The following STPG2 variants were observed in gnomAD, a reference collection of about 807,000 sequenced individuals.
STPG2 encodes sperm-tail PG-rich repeat-containing protein 2.
A neutral mutation model predicts 54.2 loss-of-function variants in STPG2; 56 were observed. The observed-to-expected ratio is 1.03, with a 90% CI of 0.83 to 1.29. The LOEUF (loss-of-function observed/expected upper bound fraction) is 1.29. Ranked by LOEUF, STPG2 falls within the 50% of genes most tolerant of loss-of-function variation. The pLI is 0.00. For missense variants in STPG2, 596 were observed against 544.9 expected (o/e 1.09, Z -0.93); for synonymous variants, 200 against 181.8 (o/e 1.10, Z -0.81).
intron 10 of STPG2, among the ~76,000 whole-genome samples, chr4:97,631,845 G>A (rs945289324): frequency 1.3e-5 from 2 of 152,024 alleles, no homozygotes; most frequent in Non-Finnish European, 2.9e-5. Flanking sequence ...GGTATGTGCT[G>A]TGCAAAAAGT....
chr4:97,887,648 T>G (rs1730628129), intron 8 of STPG2, among the ~76,000 whole-genome samples: 1 of 152,222 alleles, frequency 6.6e-6, no homozygotes, highest in Non-Finnish European at 1.5e-5. Context: ...TTAGAAAAAT[T>G]TGTAGCCTGC....
intron 9 of STPG2, among the ~76,000 whole-genome samples, chr4:97,799,962 A>G (rs939669535): frequency 5.9e-5 from 9 of 152,034 alleles, no homozygotes; most frequent in Non-Finnish European, 1.2e-4. Flanking sequence ...CCTTCCTTCC[A>G]ATTGATCAAA....
intron 9 of STPG2, among the ~76,000 whole-genome samples, chr4:97,768,687 A>G (rs1726130994): frequency 6.6e-6 from 1 of 151,910 alleles, no homozygotes; most frequent in African/African-American, 2.4e-5. Context: ...GAACCACTCC[A>G]TAGTTTGGTG....
At chr4:97,642,151 TAG>T (rs780395387) in intron 10 of STPG2, among the ~76,000 whole-genome samples, 4 of 151,442 alleles carry the variant, frequency 2.6e-5, no homozygotes, top group Non-Finnish European at 5.9e-5. Flanking sequence ...GACCTATTTG[TAG>T]AGTGTTTTAT....
intron 9 of STPG2, among the ~76,000 whole-genome samples, chr4:97,753,045 A>G (rs530664790): frequency 1.3e-5 from 2 of 152,010 alleles, no homozygotes; most frequent in South Asian, 4.1e-4. Context: ...AAAACCTCAG[A>G]TGGGTTCTTA....
intron 10 of STPG2, among the ~76,000 whole-genome samples, chr4:97,582,308 G>A (rs941370973): frequency 1.3e-5 from 2 of 151,882 alleles, no homozygotes; most frequent in Non-Finnish European, 2.9e-5. Context: ...TAGTGGATTA[G>A]AAAATCAATT....
intron 8 of STPG2, among the ~76,000 whole-genome samples, chr4:97,867,757 G>T (rs1312201017): frequency 6.6e-6 from 1 of 151,990 alleles, no homozygotes; most frequent in Non-Finnish European, 1.5e-5. Flanking sequence ...ACCTTAACAT[G>T]TGGTTGATTC....
intron 10 of STPG2, among the ~76,000 whole-genome samples, chr4:97,623,400 A>G (rs1734061703): frequency 6.6e-6 from 1 of 152,112 alleles, no homozygotes; most frequent in African/African-American, 2.4e-5. Flanking sequence ...CTCTATAAGA[A>G]CCATAAATTT....
intron 10 of STPG2, among the ~76,000 whole-genome samples, chr4:97,623,320 A>T (rs1299441962): frequency 3.3e-5 from 5 of 152,122 alleles, no homozygotes; most frequent in African/African-American, 1.2e-4. Flanking sequence ...GGACAACATG[A>T]AAAAAACAAC....
At chr4:97,907,342 A>C (rs1731473066) in intron 8 of STPG2, among the ~76,000 whole-genome samples, 1 of 152,180 alleles carries the variant, frequency 6.6e-6, no homozygotes, top group Admixed American at 6.5e-5. Flanking sequence ...GGAGAACTAC[A>C]AACCACTGCT....
chr4:97,847,314 A>G (rs1305535951), intron 8 of STPG2, among the ~76,000 whole-genome samples: 1 of 152,160 alleles, frequency 6.6e-6, no homozygotes, highest in Non-Finnish European at 1.5e-5. Context: ...AATATTCATC[A>G]TTGTAAACAT....
At chr4:97,469,017 T>G (rs1209738934) in intron 4 of STPG2, among the ~76,000 whole-genome samples, 2 of 152,088 alleles carry the variant, frequency 1.3e-5, no homozygotes, top group African/African-American at 4.8e-5. Flanking sequence ...CTTCAAAATA[T>G]TATAGTATGT....
intron 1 of STPG2, among the ~76,000 whole-genome samples, chr4:98,142,189 C>G (rs2110174883): frequency 6.6e-6 from 1 of 152,212 alleles, no homozygotes; most frequent in East Asian, 1.9e-4. Flanking sequence ...GAAACACTGA[C>G]AGAAGTCAAA....
intron 10 of STPG2, among the ~76,000 whole-genome samples, chr4:97,596,630 G>T (rs1733301180): frequency 6.6e-6 from 1 of 151,960 alleles, no homozygotes; most frequent in South Asian, 2.1e-4. Flanking sequence ...CTATACAATT[G>T]CAGGAAAATG....
At chr4:97,560,528 C>G (rs1024892264) in intron 10 of STPG2, among the ~76,000 whole-genome samples, 1 of 152,136 alleles carries the variant, frequency 6.6e-6, no homozygotes, top group African/African-American at 2.4e-5. Flanking sequence ...CAGACACGAG[C>G]AATGAAAACA....
intron 5 of STPG2, among the ~76,000 whole-genome samples, chr4:98,045,993 T>G (rs1164080502): frequency 1.3e-5 from 2 of 152,160 alleles, no homozygotes; most frequent in Non-Finnish European, 2.9e-5. Context: ...AATGTATACA[T>G]TGTTCTGCTG....
intron 4 of STPG2, among the ~76,000 whole-genome samples, chr4:97,541,035 A>G (rs1430536104): frequency 1.3e-5 from 2 of 152,212 alleles, no homozygotes; most frequent in African/African-American, 4.8e-5. Context: ...CAAAAACTGG[A>G]AGCATTCCCT....
At chr4:98,014,408 G>A (rs1268675235) in intron 5 of STPG2, among the ~76,000 whole-genome samples, 2 of 151,914 alleles carry the variant, frequency 1.3e-5, no homozygotes, top group Admixed American at 6.6e-5. Flanking sequence ...TCCTCTTCAT[G>A]GGTCATGCCA....
chr4:97,557,724 G>C (rs1732112906), downstream of STPG2, among the ~76,000 whole-genome samples: 1 of 152,190 alleles, frequency 6.6e-6, no homozygotes, highest in African/African-American at 2.4e-5. Flanking sequence ...TTATTCTTGA[G>C]GTTAACAACT....
Sources: allele counts gnomAD v4.1 joint callset (sites outside exome capture counted in the v4.1 genomes callset), GRCh38; gene constraint gnomAD v4.1.1; transcripts MANE v1.5; gene names NCBI Gene and HGNC (gene_info 2026-07-23, HGNC 2026-07-21).